The following TENM2 variants were observed in gnomAD, a reference collection of about 807,000 sequenced individuals.
The protein encoded by TENM2 is teneurin-2.
Under a neutral mutation model 245.2 loss-of-function variants are expected in TENM2, and 52 were observed. That is an observed-to-expected ratio of 0.21 (90% CI 0.17 to 0.27). The LOEUF (loss-of-function observed/expected upper bound fraction) is 0.27. Among genes scored for constraint, TENM2 ranks in the 10% least tolerant of loss-of-function variants. The pLI is 1.00. For synonymous variants in TENM2, 1,363 were observed against 1,438.9 expected, an observed-to-expected ratio of 0.95 and a Z score of 1.19; for missense variants, 3,046 against 3,666.8, an observed-to-expected ratio of 0.83 and a Z score of 4.37.
chr5:167,021,462 C>G, the TENM2 span, among the ~76,000 whole-genome samples: 2 of 152,334 alleles, frequency 1.3e-5, no homozygotes, highest in Non-Finnish European at 2.9e-5. Context: ...CAGAACAACT[C>G]ATAAAGCCAG....
chr5:167,936,951 G>A (rs1403590061), intron 3 of TENM2, among the ~76,000 whole-genome samples: 1 of 152,168 alleles, frequency 6.6e-6, no homozygotes, highest in African/African-American at 2.4e-5. Flanking sequence ...ATGTATCCAA[G>A]TGGTTGTGTG....
chr5:167,494,189 T>A (rs1247852567), intron 2 of TENM2, among the ~76,000 whole-genome samples: 1 of 152,068 alleles, frequency 6.6e-6, no homozygotes, highest in African/African-American at 2.4e-5. Flanking sequence ...GAACTTCAGA[T>A]GGAGAACACA....
At chr5:168,158,850 TACAC>T (rs764713880) in intron 12 of TENM2, among the ~76,000 whole-genome samples, 8 of 62,336 alleles carry the variant, frequency 1.3e-4, no homozygotes, top group East Asian at 8.5e-4. Context: ...TATATATATA[TACAC>T]ACACACACAC....
the TENM2 span, among the ~76,000 whole-genome samples, chr5:166,997,036 T>C: frequency 6.6e-6 from 1 of 152,172 alleles, no homozygotes. Flanking sequence ...TTACCTATGG[T>C]GTATTTCTGG....
At chr5:167,288,571 A>AAG (rs1040953193) in intron 1 of TENM2, among the ~76,000 whole-genome samples, 5 of 151,676 alleles carry the variant, frequency 3.3e-5, no homozygotes, top group African/African-American at 1.2e-4. Context: ...AAAAAAAAAA[A>AAG]AAAGAAAAAG....
In TENM2 at chr5:167,629,336, AG is replaced by A. The variant is rs373293314; in HGVS notation, c.503-246647del. On this transcript the variant is annotated intron_variant, in intron 2 of 28. Coordinates refer to ENST00000518659, the Ensembl canonical transcript of TENM2. ...AGGCTATTAATAGTGCTTACTTCCT[AG>A]GGTTTTTCTGAAGATTAAATGAGAT... Among the ~76,000 whole-genome samples, 26 of 152,328 alleles carry A rather than the reference AG, an allele frequency of 1.7e-4. No individual in the cohort carries two copies. The East Asian group carries it at 4.6e-3, about 27-fold the overall frequency.
intron 2 of TENM2, among the ~76,000 whole-genome samples, chr5:167,623,046 G>A (rs1175282419): frequency 6.6e-6 from 1 of 152,016 alleles, no homozygotes; most frequent in Non-Finnish European, 1.5e-5. Context: ...TTAAAATCTT[G>A]TTCCCTCACC....
chr5:167,202,416 A>G, the TENM2 span, among the ~76,000 whole-genome samples: 2 of 152,088 alleles, frequency 1.3e-5, no homozygotes, highest in South Asian at 4.1e-4. Flanking sequence ...TTCAGGATTC[A>G]TTCTTCTTCT....
chr5:167,382,343 A>G (rs768468555), intron 2 of TENM2, among the ~76,000 whole-genome samples: 2 of 152,200 alleles, frequency 1.3e-5, no homozygotes, highest in South Asian at 2.1e-4. Flanking sequence ...AGAGACATGC[A>G]GTGATACACG....
At chr5:168,106,983 C>T (rs1488104232) in intron 9 of TENM2, among the ~76,000 whole-genome samples, 1 of 152,116 alleles carries the variant, frequency 6.6e-6, no homozygotes, top group Non-Finnish European at 1.5e-5. Flanking sequence ...TTGCTTGAAC[C>T]AAGGAGGTGG....
At chr5:168,034,963 G>T (rs1787532257) in intron 5 of TENM2, among the ~76,000 whole-genome samples, 1 of 152,092 alleles carries the variant, frequency 6.6e-6, no homozygotes, top group Admixed American at 6.5e-5. Context: ...CTTTCATTCA[G>T]CACATTTTTA....
At chr5:167,628,309 C>T (rs1778647385) in intron 2 of TENM2, among the ~76,000 whole-genome samples, 1 of 152,160 alleles carries the variant, frequency 6.6e-6, no homozygotes, top group South Asian at 2.1e-4. Flanking sequence ...ATTCTCCCTG[C>T]CCTATTCAAA....
chr5:167,675,023 C>T (rs563943424), intron 2 of TENM2, among the ~76,000 whole-genome samples: 54 of 151,986 alleles, frequency 3.6e-4, no homozygotes, highest in Non-Finnish European at 5.7e-4. Context: ...CTTAGAACAC[C>T]CATTCTGTCA....
intron 1 of TENM2, among the ~76,000 whole-genome samples, chr5:167,312,289 T>C (rs1187840539): frequency 6.6e-6 from 1 of 152,244 alleles, no homozygotes; most frequent in African/African-American, 2.4e-5. Flanking sequence ...TACCATCACA[T>C]GATTTGACAG....
chr5:167,578,842 G>A (rs1428610214), intron 2 of TENM2, among the ~76,000 whole-genome samples: 2 of 152,142 alleles, frequency 1.3e-5, no homozygotes, highest in Non-Finnish European at 2.9e-5. Context: ...ACTATATAAT[G>A]GAAGTTTATA....
intron 2 of TENM2, among the ~76,000 whole-genome samples, chr5:167,803,728 T>TTA (rs1327191469): frequency 6.6e-6 from 1 of 152,136 alleles, no homozygotes. Context: ...ATTAACTTTT[T>TTA]TATATATATA....
the TENM2 span, among the ~76,000 whole-genome samples, chr5:167,070,414 C>T: frequency 6.6e-6 from 1 of 151,660 alleles, no homozygotes; most frequent in Non-Finnish European, 1.5e-5. Context: ...TAGGCATGAG[C>T]CACTGCGCCC....
chr5:167,886,390 G>A (rs1774292997), intron 3 of TENM2, among the ~76,000 whole-genome samples: 1 of 152,196 alleles, frequency 6.6e-6, no homozygotes, highest in East Asian at 1.9e-4. Context: ...CATGGCCACA[G>A]TAATGTAAAC....
chr5:167,817,800 A>T (rs1767183348), intron 2 of TENM2, among the ~76,000 whole-genome samples: 1 of 152,096 alleles, frequency 6.6e-6, no homozygotes, highest in Non-Finnish European at 1.5e-5. Flanking sequence ...TTGTGGGGGA[A>T]TGGTGGGGAC....
Sources: gnomAD v4.1 joint callset for allele counts (sites outside exome capture counted in the v4.1 genomes callset) on GRCh38, gnomAD v4.1.1 for gene constraint, MANE v1.5 for transcripts, NCBI Gene and HGNC (gene_info 2026-07-23, HGNC 2026-07-21) for gene names.